Variants in TNS1 observed in about 807,000 individuals in gnomAD.
The protein encoded by TNS1 is tensin 1, also known as tensin-1.
A neutral mutation model predicts 168.6 loss-of-function variants in TNS1; 62 were observed. That is an observed-to-expected ratio of 0.37 (90% CI 0.30 to 0.45). The LOEUF (loss-of-function observed/expected upper bound fraction) is 0.45. Among genes scored for constraint, TNS1 ranks in the 20% least tolerant of loss-of-function variants. The pLI is 1.00. For missense variants in TNS1, 2,240 were observed against 2,339.4 expected (o/e 0.96, Z 0.88); for synonymous variants, 934 against 933.2 (o/e 1.00, Z -0.02).
At chr2:217,831,201 C>T (rs1944375222) in intron 22 of TNS1, among the ~76,000 whole-genome samples, 1 of 152,208 alleles carries the variant, frequency 6.6e-6, no homozygotes, top group Non-Finnish European at 1.5e-5. Context: ...ACCAAGGAAA[C>T]TGAGACCAGG....
At chr2:218,023,445 T>G (rs1442476604) in intron 1 of TNS1, among the ~76,000 whole-genome samples, 1 of 152,206 alleles carries the variant, frequency 6.6e-6, no homozygotes, top group African/African-American at 2.4e-5. Context: ...GATTGCTAAC[T>G]GCCTTCTGGC....
intron 3 of TNS1, among the ~76,000 whole-genome samples, chr2:217,966,122 T>C (rs931125938): frequency 2.6e-5 from 4 of 152,138 alleles, no homozygotes; most frequent in African/African-American, 9.7e-5. Flanking sequence ...CAAACCCTTG[T>C]GTGATGTTTA....
At chr2:217,847,454 C>A (rs371948959) in intron 19 of TNS1, 56 bp downstream of exon 19, 43 of 1,369,870 alleles carry the variant, frequency 3.1e-5, no homozygotes, top group East Asian at 2.5e-4. Context: ...TGCACCTCCC[C>A]CCAGCAAGAC....
intron 3 of TNS1, among the ~76,000 whole-genome samples, chr2:217,973,367 G>GAAAAAAA (rs58463140): frequency 1.1e-5 from 1 of 93,584 alleles, no homozygotes. Context: ...TCCTGTCTCT[G>GAAAAAAA]AAAAAAAAAA....
chr2:217,836,421 A>T (rs1321554237), intron 19 of TNS1, among the ~76,000 whole-genome samples: 1 of 152,076 alleles, frequency 6.6e-6, no homozygotes, highest in African/African-American at 2.4e-5. Flanking sequence ...ATCTGCTTAG[A>T]TTGGCTCAGA....
chr2:217,873,355 T>C (rs1991162), intron 18 of TNS1, among the ~76,000 whole-genome samples: 98,130 of 151,802 alleles, frequency 0.65, 33,384 homozygotes, highest in African/African-American at 0.86. Flanking sequence ...CGGTGTTTGG[T>C]GGCAGGTCCC....
At chr2:218,022,382 T>C (rs1179621477) in intron 1 of TNS1, among the ~76,000 whole-genome samples, 1 of 152,180 alleles carries the variant, frequency 6.6e-6, no homozygotes, top group Non-Finnish European at 1.5e-5. Flanking sequence ...AGCCTTGGTC[T>C]GGGAGGCCCA....
At chr2:217,949,042 C>G (rs1229412549) in intron 3 of TNS1, among the ~76,000 whole-genome samples, 2 of 152,188 alleles carry the variant, frequency 1.3e-5, no homozygotes, top group Non-Finnish European at 2.9e-5. Context: ...GGCAGCCCCT[C>G]CCTCCTCTCA....
At chr2:217,937,494 G>A (rs1575115361) in intron 3 of TNS1, among the ~76,000 whole-genome samples, 1 of 152,064 alleles carries the variant, frequency 6.6e-6, no homozygotes, top group African/African-American at 2.4e-5. Context: ...TGGCTTGGCG[G>A]CCCCTCTCAC....
intron 19 of TNS1, chr2:217,842,034 G>A (rs1433058963): frequency 8.5e-6 from 6 of 702,176 alleles, no homozygotes; most frequent in Non-Finnish European, 1.6e-5. Context: ...CTGGCCCCCA[G>A]AGTTCAAGCT....
chr2:217,860,002 G>GACA (rs1233134514), intron 18 of TNS1, among the ~76,000 whole-genome samples: 1 of 152,206 alleles, frequency 6.6e-6, no homozygotes, highest in African/African-American at 2.4e-5. Flanking sequence ...GCCAGTGGGA[G>GACA]CTTCAGCGAC....
chr2:217,883,832 A>G (rs1574942325), intron 16 of TNS1, among the ~76,000 whole-genome samples: 1 of 152,046 alleles, frequency 6.6e-6, no homozygotes, highest in South Asian at 2.1e-4. Context: ...GGAGATCTGG[A>G]CCCTCCTCCA....
chr2:217,953,974 G>A (rs992968221), intron 3 of TNS1, among the ~76,000 whole-genome samples: 1 of 152,194 alleles, frequency 6.6e-6, no homozygotes, highest in Non-Finnish European at 1.5e-5. Context: ...CAGATCAGGG[G>A]AACCCAAAAC....
intron 19 of TNS1, among the ~76,000 whole-genome samples, chr2:217,842,991 C>T (rs545673109): frequency 6.6e-6 from 1 of 152,282 alleles, no homozygotes; most frequent in East Asian, 1.9e-4. Context: ...GCTCAGTATC[C>T]ATCTCTGCTG....
At chr2:217,845,631 C>T (rs1946537775) in intron 19 of TNS1, among the ~76,000 whole-genome samples, 1 of 152,210 alleles carries the variant, frequency 6.6e-6, no homozygotes, top group Non-Finnish European at 1.5e-5. Context: ...GAACATTGTG[C>T]CAACAGTATC....
intron 3 of TNS1, among the ~76,000 whole-genome samples, chr2:217,952,533 C>T (rs755833167): frequency 6.6e-5 from 10 of 152,164 alleles, no homozygotes; most frequent in Non-Finnish European, 1.3e-4. Flanking sequence ...GCAGGCCCAG[C>T]CTGGTGAGGA....
chr2:217,937,686 T>C (rs996506972), intron 3 of TNS1, among the ~76,000 whole-genome samples: 1 of 152,056 alleles, frequency 6.6e-6, no homozygotes, highest in Non-Finnish European at 1.5e-5. Flanking sequence ...GGAGATGGAC[T>C]CACAGACCCC....
chr2:217,851,087 G>A (rs1386083544), intron 18 of TNS1, among the ~76,000 whole-genome samples: 1 of 151,688 alleles, frequency 6.6e-6, no homozygotes, highest in Non-Finnish European at 1.5e-5. Flanking sequence ...CAAACAGTAT[G>A]TAATTTTTAT....
chr2:218,000,997 T>TA (rs1282927533), intron 1 of TNS1, among the ~76,000 whole-genome samples: 1 of 151,798 alleles, frequency 6.6e-6, no homozygotes, highest in African/African-American at 2.4e-5. Flanking sequence ...ACTAAAAATA[T>TA]AAAAAATTAG....
Sources: allele counts gnomAD v4.1 joint callset (sites outside exome capture counted in the v4.1 genomes callset), GRCh38; gene constraint gnomAD v4.1.1; transcripts MANE v1.5; gene names NCBI Gene and HGNC (gene_info 2026-07-23, HGNC 2026-07-21).